PTGES3: variants seen among roughly 807,000 people sequenced by gnomAD.
PTGES3 encodes Hsp90 co-chaperone.
A neutral mutation model predicts 29.9 loss-of-function variants in PTGES3; 5 were observed. The observed-to-expected ratio is 0.17, with a 90% CI of 0.09 to 0.35. The LOEUF (loss-of-function observed/expected upper bound fraction) is 0.35. PTGES3 is among the 10% of genes least tolerant of loss of function. The pLI, the probability that PTGES3 is intolerant of heterozygous loss-of-function variation, is 1.00. For missense variants in PTGES3, 128 were observed against 190.0 expected, an observed-to-expected ratio of 0.67 and a Z score of 1.92; for synonymous variants, 49 against 57.8, an observed-to-expected ratio of 0.85 and a Z score of 0.69.
rs118123972 is a variant in PTGES3, at chr12:56,683,110, G to T, written c.2+4888C>A. Among the ~76,000 whole-genome samples the T allele has an allele frequency of 9.7e-3, 1,481 of 152,148 alleles. 9 individuals carry two copies. Among genetic ancestry groups the T allele is most frequent in the Non-Finnish European group, 0.015 (1,048 of 68,002 alleles). On this transcript the variant is annotated intron_variant, in intron 1 of 7. Coordinates refer to ENST00000262033, the MANE Select transcript of PTGES3 (RefSeq NM_006601.7). ...CACGCCTGTAATCCCAGCACTCTAG[G>T]AGTCTGAGGCGCGTGGATCATGAGG...
chr12:56,674,643 G>A (rs1192903611), intron 1 of PTGES3, among the ~76,000 whole-genome samples: 2 of 151,320 alleles, frequency 1.3e-5, no homozygotes, highest in African/African-American at 4.9e-5. Flanking sequence ...TGGCTAACAC[G>A]ATGAAACCCT....
In PTGES3 at chr12:56,672,962, G is replaced by C. The variant is rs752737150; in HGVS notation, c.106C>G (p.Leu36Val). ...DVNVNFEKSK[L>V]TFSCLGGSDN... The stretch of plus-strand genomic sequence containing the variant: ...AAAAGCTTAACTTACCTGAATGTAA[G>C]TTTGGATTTTTCAAAATTTACATTA... Residue 36 changes from leucine to valine, a missense_variant, in exon 2 of 8, where the codon CTT (leucine) becomes GTT (valine). Transcript: ENST00000262033. 3.7e-6 allele frequency: 6 copies of C among 1,601,258 alleles called. No homozygotes were observed. In the African/African-American group the frequency reaches 8.1e-5, roughly 22 times the overall value.
Position 56,673,484 on chromosome 12 carries a change from G to GAAAA in PTGES3, c.3-420_3-419insTTTT, listed in dbSNP as rs758207497. Among the ~76,000 whole-genome samples the GAAAA allele has an allele frequency of 9.0e-4, 33 of 36,846 alleles. 10 individuals carry two copies. Among genetic ancestry groups the GAAAA allele is most frequent in the African/African-American group, 1.8e-3 (29 of 16,096 alleles). The allele number at this position is 36,846 out of a possible 152,430, so 24.2% of individuals were successfully genotyped here. A position where few individuals can be genotyped will look rare whatever the true frequency, so the allele number is the denominator to read the frequency against. ...CCGACTCTACTACAAATACAAATAC[G>GAAAA]GAAAAAAAAAAAAAAAAAAAAAAAA... On this transcript the variant is annotated intron_variant, in intron 1 of 7. Transcript: ENST00000262033.
At chr12:56,666,326 T>C (rs1951785707) in intron 5 of PTGES3, 60 bp from the exon 6 acceptor site, 2 of 1,574,006 alleles carry the variant, frequency 1.3e-6, no homozygotes, top group South Asian at 1.2e-5. Context: ...TAATTATTAA[T>C]GCTGTATGCT....
rs1334066507 is a variant in PTGES3, at chr12:56,666,989, G to A, written c.376-723C>T. 4.0e-5 allele frequency among the ~76,000 whole-genome samples: 6 copies of A among 151,074 alleles called. No individual in the cohort carries two copies. In the South Asian group the frequency reaches 1.0e-3, roughly 26 times the overall value. On this transcript the variant is annotated intron_variant, in intron 5 of 7. Coordinates refer to ENST00000262033, the MANE Select transcript of PTGES3 (RefSeq NM_006601.7). Reference sequence around the variant, plus strand: ...GGTTGGAGTGCAGCAGCACAATCTCGGCTCACTGCAACTTCCGCTTCCCGG... The same window carrying A: ...GGTTGGAGTGCAGCAGCACAATCTCAGCTCACTGCAACTTCCGCTTCCCGG...
At chr12:56,685,691 C>G (rs1204240095) in intron 1 of PTGES3, among the ~76,000 whole-genome samples, 2 of 151,456 alleles carry the variant, frequency 1.3e-5, no homozygotes, top group African/African-American at 4.9e-5. Flanking sequence ...TGAGCCACCC[C>G]GCCCGGCATG....
chr12:56,687,634 CGA>C, intron 1 of PTGES3: 2 of 1,162,674 alleles, frequency 1.7e-6, no homozygotes, highest in Non-Finnish European at 2.1e-6. Flanking sequence ...CCCAAGCAGC[CGA>C]GAGGCGACCC....
intron 1 of PTGES3, among the ~76,000 whole-genome samples, chr12:56,682,724 A>G (rs1952606658): frequency 6.7e-6 from 1 of 150,030 alleles, no homozygotes; most frequent in Admixed American, 6.6e-5. Context: ...TTTAAAAGAA[A>G]AAAAAAAAAA....
At chr12:56,684,069 T>G (rs1177564400) in intron 1 of PTGES3, among the ~76,000 whole-genome samples, 1 of 152,038 alleles carries the variant, frequency 6.6e-6, no homozygotes, top group Non-Finnish European at 1.5e-5. Context: ...CAAAATATGC[T>G]CACTAGAGTA....
chr12:56,684,355 T>C (rs1952727135), intron 1 of PTGES3, among the ~76,000 whole-genome samples: 1 of 152,126 alleles, frequency 6.6e-6, no homozygotes, highest in Admixed American at 6.6e-5. Context: ...GAAGAAAAAT[T>C]AAAAATCCAG....
At chr12:56,669,624 T>A (rs996606696) in intron 5 of PTGES3, among the ~76,000 whole-genome samples, 7 of 151,718 alleles carry the variant, frequency 4.6e-5, no homozygotes, top group Admixed American at 1.3e-4. Flanking sequence ...TGCATTTATT[T>A]ATTTATTTGA....
At chr12:56,673,190 A>C in intron 1 of PTGES3, 125 bp from the exon 2 acceptor site, 2 of 588,362 alleles carry the variant, frequency 3.4e-6, no homozygotes, top group South Asian at 2.7e-5. Context: ...CAAAAACTAC[A>C]TTTTTACCCT....
intron 1 of PTGES3, among the ~76,000 whole-genome samples, chr12:56,674,312 C>T (rs1424984023): frequency 6.6e-6 from 1 of 152,168 alleles, no homozygotes; most frequent in Non-Finnish European, 1.5e-5. Context: ...CTGCTGACAC[C>T]TTCGCCTTGG....
At chr12:56,666,009 C>G (rs1181494507) in intron 6 of PTGES3, 195 bp downstream of exon 6, 1 of 1,341,146 alleles carries the variant, frequency 7.5e-7, no homozygotes, top group Non-Finnish European at 9.6e-7. Context: ...TAGGAATGGT[C>G]TACGGTACAA....
intron 1 of PTGES3, among the ~76,000 whole-genome samples, chr12:56,680,942 G>C (rs1050237371): frequency 1.3e-5 from 2 of 151,260 alleles, no homozygotes; most frequent in East Asian, 2.0e-4. Context: ...CACACACCCA[G>C]GTTATTTTTT....
intron 6 of PTGES3, chr12:56,665,284 CTTTTTT>C (rs59007550): frequency 7.9e-4 from 639 of 805,172 alleles, no homozygotes; most frequent in South Asian, 8.3e-4. Context: ...CAATGTCCAT[CTTTTTT>C]TTTTTTTTTT....
intron 5 of PTGES3, among the ~76,000 whole-genome samples, chr12:56,670,013 T>C (rs1185440442): frequency 6.7e-6 from 1 of 148,742 alleles, no homozygotes; most frequent in African/African-American, 2.5e-5. Flanking sequence ...ATTAGCAAAC[T>C]AGCTGTGTTA....
chr12:56,672,544 C>G (rs539870401), intron 3 of PTGES3, among the ~76,000 whole-genome samples, 196 bp downstream of exon 3: 1 of 152,216 alleles, frequency 6.6e-6, no homozygotes, highest in Admixed American at 6.5e-5. Flanking sequence ...GGATACTACT[C>G]TAAGCCCAAA....
chr12:56,675,551 G>T (rs906095287), intron 1 of PTGES3, among the ~76,000 whole-genome samples: 3 of 147,242 alleles, frequency 2.0e-5, no homozygotes, highest in African/African-American at 7.6e-5. Flanking sequence ...ATGTGAATGA[G>T]ATAAGAGATA....
Sources: gnomAD v4.1 joint callset for allele counts (sites outside exome capture counted in the v4.1 genomes callset) on GRCh38, gnomAD v4.1.1 for gene constraint, MANE v1.5 for transcripts, NCBI Gene and HGNC (gene_info 2026-07-23, HGNC 2026-07-21) for gene names.